SEC24B: variants seen among roughly 807,000 people sequenced by gnomAD.
SEC24B encodes protein transport protein Sec24B.
A neutral mutation model predicts 142.8 loss-of-function variants in SEC24B; 45 were observed. The ratio of observed to expected loss-of-function variants is 0.32; its 90% CI spans 0.25 to 0.40. The LOEUF (loss-of-function observed/expected upper bound fraction) is 0.40, where lower values mean the gene tolerates loss of function less well. Among genes scored for constraint, SEC24B ranks in the 10% least tolerant of loss-of-function variants. The pLI is 1.00. For synonymous variants in SEC24B, 574 were observed against 568.2 expected (o/e 1.01, Z -0.15); for missense variants, 1,409 against 1,526.8 (o/e 0.92, Z 1.29).
intron 4 of SEC24B, among the ~76,000 whole-genome samples, chr4:109,490,988 T>C (rs1321645904): frequency 6.6e-6 from 1 of 152,184 alleles, no homozygotes; most frequent in African/African-American, 2.4e-5. Flanking sequence ...GATGTAATCC[T>C]TAAGATGTGA....
At chr4:109,512,990 T>C (rs1345770340) in intron 9 of SEC24B, among the ~76,000 whole-genome samples, 1 of 116,150 alleles carries the variant, frequency 8.6e-6, no homozygotes. Flanking sequence ...TTTTTTTTTT[T>C]TGGAGATGGA....
chr4:109,508,680 T>G, intron 7 of SEC24B, among the ~76,000 whole-genome samples: 1 of 152,240 alleles, frequency 6.6e-6, no homozygotes, highest in South Asian at 2.1e-4. Context: ...CGAAAATGTC[T>G]CTTTTATCAA....
In SEC24B at chr4:109,538,521, C is replaced by G; in HGVS notation, c.3617C>G (p.Ser1206Ter). Residue 1206 changes from serine to a stop codon, truncating the protein, a stop_gained, in exon 23 of 24, where the codon TCA (serine) becomes TGA (stop). Transcript: ENST00000265175. LOFTEE classifies it high-confidence loss of function. The stretch of plus-strand genomic sequence containing the variant: ...CATCTTCCAGAGCTAGATACACTTT[C>G]ATCAGAAAGAGCCAGATCCTTCATA... ...MTHLPELDTL[S>*]SERARSFITW... 6.2e-7 allele frequency: 1 copy of G among 1,613,026 alleles called. No individual in the cohort carries two copies. The highest frequency in any genetic ancestry group is 8.5e-7 in the Non-Finnish European group (1 of 1,179,076).
intron 8 of SEC24B, among the ~76,000 whole-genome samples, chr4:109,511,328 C>T (rs1169140589): frequency 6.6e-6 from 1 of 151,536 alleles, no homozygotes; most frequent in African/African-American, 2.4e-5. Flanking sequence ...TAATAATAAT[C>T]ATATATGTGA....
At chr4:109,443,749 G>A (rs1240402806) in intron 1 of SEC24B, among the ~76,000 whole-genome samples, 1 of 152,068 alleles carries the variant, frequency 6.6e-6, no homozygotes, top group Non-Finnish European at 1.5e-5. Flanking sequence ...GTTTTGAAGA[G>A]GAAACAATTC....
At chr4:109,508,070 C>T (rs1473660005) in intron 7 of SEC24B, among the ~76,000 whole-genome samples, 2 of 152,156 alleles carry the variant, frequency 1.3e-5, no homozygotes, top group Non-Finnish European at 2.9e-5. Flanking sequence ...TTGAGAATTT[C>T]CCCTCTTCTT....
chr4:109,475,056 G>A (rs986223945), intron 3 of SEC24B, among the ~76,000 whole-genome samples: 1 of 152,154 alleles, frequency 6.6e-6, no homozygotes, highest in African/African-American at 2.4e-5. Flanking sequence ...TTTTAACTCA[G>A]ATCTCTCTAT....
At chr4:109,479,702 T>C (rs1414961236) in intron 3 of SEC24B, among the ~76,000 whole-genome samples, 1 of 152,224 alleles carries the variant, frequency 6.6e-6, no homozygotes, top group Non-Finnish European at 1.5e-5. Context: ...CCCAAAGTGC[T>C]GGGATTATAG....
At chr4:109,532,887 G>T in intron 21 of SEC24B, 144 bp downstream of exon 21, 1 of 550,400 alleles carries the variant, frequency 1.8e-6, no homozygotes, top group South Asian at 2.8e-5. Context: ...TAGCACTGGA[G>T]GTCAATTTAC....
chr4:109,456,247 C>T (rs1273097510), intron 1 of SEC24B, among the ~76,000 whole-genome samples: 1 of 150,100 alleles, frequency 6.7e-6, no homozygotes, highest in East Asian at 2.0e-4. Flanking sequence ...GATAAACTCA[C>T]TTATTAATTC....
At chr4:109,510,303 G>A (rs943672592) in intron 8 of SEC24B, among the ~76,000 whole-genome samples, 192 bp downstream of exon 8, 7 of 152,136 alleles carry the variant, frequency 4.6e-5, no homozygotes, top group Non-Finnish European at 1.0e-4. Flanking sequence ...AGCACTGGTA[G>A]TACAGAGATG....
chr4:109,439,336 C>T (rs1578743074), intron 1 of SEC24B, among the ~76,000 whole-genome samples: 1 of 152,040 alleles, frequency 6.6e-6, no homozygotes, highest in Middle Eastern at 3.4e-3. Context: ...AAATAAGTTC[C>T]TTTTGATCAG....
At chr4:109,449,653 T>G (rs1729856767) in intron 1 of SEC24B, 1 of 381,214 alleles carries the variant, frequency 2.6e-6, no homozygotes, top group Non-Finnish European at 5.2e-6. Context: ...TCTTGGTATG[T>G]GCACGTAGAG....
intron 6 of SEC24B, among the ~76,000 whole-genome samples, chr4:109,498,766 A>C (rs1028782512): frequency 6.6e-6 from 1 of 152,118 alleles, no homozygotes; most frequent in African/African-American, 2.4e-5. Context: ...TGTTGTACCT[A>C]ATGTAGTGCA....
rs114559455 is a variant in SEC24B, at chr4:109,459,232, G to A, written c.134-3669G>A. Among the ~76,000 whole-genome samples the A allele has an allele frequency of 5.1e-3, 783 of 152,254 alleles. 5 individuals are homozygous for A. The highest frequency in any genetic ancestry group is 0.018 in the African/African-American group (743 of 41,536). On this transcript the variant is annotated intron_variant, in intron 1 of 23. Transcript: ENST00000265175. ...AAAGAATAGGGGGAAAACACTGAGG[G>A]CAGAAAATTTAATCTGTCATGAGAG...
intron 14 of SEC24B, among the ~76,000 whole-genome samples, chr4:109,521,953 G>A (rs1393732669): frequency 1.3e-4 from 19 of 151,964 alleles, no homozygotes; most frequent in Admixed American, 9.2e-4. Context: ...GGCTGGTCTC[G>A]AACTCCTGGC....
At chr4:109,475,368 G>A (rs1192809312) in intron 3 of SEC24B, among the ~76,000 whole-genome samples, 2 of 152,190 alleles carry the variant, frequency 1.3e-5, no homozygotes, top group Admixed American at 6.5e-5. Flanking sequence ...TGTATCATCT[G>A]CATAGGGTTT....
At chr4:109,436,409 G>T (rs1728414140) in intron 1 of SEC24B, among the ~76,000 whole-genome samples, 1 of 152,166 alleles carries the variant, frequency 6.6e-6, no homozygotes, top group Non-Finnish European at 1.5e-5. Flanking sequence ...TCCAGACATG[G>T]TGAAAAAGAA....
intron 23 of SEC24B, 113 bp downstream of exon 23, chr4:109,538,709 G>C (rs1452012189): frequency 1.6e-6 from 1 of 628,676 alleles, no homozygotes; most frequent in East Asian, 2.8e-5. Flanking sequence ...ATGGTAAAAT[G>C]TTGTTACTTG....
Sources: gnomAD v4.1 joint callset for allele counts (sites outside exome capture counted in the v4.1 genomes callset) on GRCh38, gnomAD v4.1.1 for gene constraint, MANE v1.5 for transcripts, NCBI Gene and HGNC (gene_info 2026-07-23, HGNC 2026-07-21) for gene names.